IFT88: variants seen among roughly 807,000 people sequenced by gnomAD.
IFT88 encodes the protein intraflagellar transport protein 88 homolog.
In IFT88, 74 loss-of-function variants were observed where a neutral mutation model predicts 119.5. That is an observed-to-expected ratio of 0.62 (90% CI 0.51 to 0.75). IFT88 has a LOEUF of 0.75. IFT88 is among the 30% of genes least tolerant of loss of function. The probability of loss-of-function intolerance (pLI) is 0.00; values close to 1 mark genes in which losing one functional copy is unlikely to be tolerated. For synonymous variants in IFT88, 279 were observed against 316.7 expected (o/e 0.88, Z 1.26); for missense variants, 961 against 977.7 (o/e 0.98, Z 0.23).
intron 22 of IFT88, among the ~76,000 whole-genome samples, chr13:20,662,899 T>C (rs936898344): frequency 9.2e-5 from 14 of 152,224 alleles, no homozygotes; most frequent in East Asian, 3.8e-4. Flanking sequence ...TCTGGTGATA[T>C]GTATAAAGTG....
At chr13:20,681,860 G>T (rs575445458) in intron 24 of IFT88, among the ~76,000 whole-genome samples, 2 of 152,208 alleles carry the variant, frequency 1.3e-5, no homozygotes, top group African/African-American at 4.8e-5. Flanking sequence ...AGTATAGGGC[G>T]TCTGGAAAAC....
intron 2 of IFT88, among the ~76,000 whole-genome samples, chr13:20,579,978 A>G (rs969874743): frequency 3.9e-5 from 6 of 152,344 alleles, no homozygotes; most frequent in Admixed American, 3.9e-4. Context: ...ATGCTTATGG[A>G]AACAAAAACT....
At chr13:20,681,247 C>T (rs930842053) in intron 24 of IFT88, among the ~76,000 whole-genome samples, 13 of 152,174 alleles carry the variant, frequency 8.5e-5, no homozygotes, top group Non-Finnish European at 1.8e-4. Flanking sequence ...CAGAAGATGC[C>T]GTTTAATACA....
chr13:20,628,040 T>C (rs2047631760), intron 15 of IFT88, among the ~76,000 whole-genome samples: 1 of 152,200 alleles, frequency 6.6e-6, no homozygotes, highest in Non-Finnish European at 1.5e-5. Context: ...GTAGGTATAA[T>C]ACAATCTTAG....
At chr13:20,621,041 C>T (rs2046394452) in intron 14 of IFT88, among the ~76,000 whole-genome samples, 1 of 151,946 alleles carries the variant, frequency 6.6e-6, no homozygotes, top group African/African-American at 2.4e-5. Flanking sequence ...TTTAGGCTAC[C>T]TAGCTTATGG....
intron 8 of IFT88, 77 bp downstream of exon 8, chr13:20,596,317 T>C: frequency 1.9e-6 from 1 of 524,994 alleles, no homozygotes; most frequent in Non-Finnish European, 3.3e-6. Flanking sequence ...ACCGTATGTA[T>C]AGACAAATAT....
At chr13:20,611,542 G>C (rs1271687713) in intron 13 of IFT88, among the ~76,000 whole-genome samples, 2 of 110,970 alleles carry the variant, frequency 1.8e-5, no homozygotes, top group East Asian at 6.0e-4. Flanking sequence ...AAAAAAAAAA[G>C]ACTGAATGCT....
chr13:20,570,691 A>G (rs1370457924), intron 1 of IFT88, among the ~76,000 whole-genome samples: 1 of 125,626 alleles, frequency 8.0e-6, no homozygotes, highest in African/African-American at 2.9e-5. Flanking sequence ...GTTGCCAGGG[A>G]CTGGGGAAAG....
chr13:20,660,526 G>T (rs1175847313), intron 22 of IFT88, among the ~76,000 whole-genome samples: 1 of 152,240 alleles, frequency 6.6e-6, no homozygotes, highest in African/African-American at 2.4e-5. Context: ...TTTGGCTGCT[G>T]TATGGAGAAT....
chr13:20,679,918 C>T (rs1230654281), intron 24 of IFT88, among the ~76,000 whole-genome samples: 1 of 152,112 alleles, frequency 6.6e-6, no homozygotes, highest in African/African-American at 2.4e-5. Context: ...TAGTGTCCAC[C>T]ATCTGATTAT....
At chr13:20,597,732 C>T (rs1056435964) in intron 9 of IFT88, among the ~76,000 whole-genome samples, 27 of 147,810 alleles carry the variant, frequency 1.8e-4, no homozygotes, top group Middle Eastern at 3.5e-3. Context: ...GGCGACAGAG[C>T]GAGACTCCGT....
chr13:20,614,675 C>A (rs1415217377), intron 13 of IFT88, among the ~76,000 whole-genome samples: 2 of 152,072 alleles, frequency 1.3e-5, no homozygotes, highest in African/African-American at 4.8e-5. Context: ...AAAGATGTTA[C>A]TGTTGGAGGA....
intron 14 of IFT88, among the ~76,000 whole-genome samples, chr13:20,623,741 C>T (rs977909877): frequency 6.6e-6 from 1 of 152,212 alleles, no homozygotes; most frequent in Non-Finnish European, 1.5e-5. Context: ...TCCCAAAGTG[C>T]TGGGATTACA....
At chr13:20,571,619 A>C (rs1349422776) in intron 1 of IFT88, among the ~76,000 whole-genome samples, 1 of 152,204 alleles carries the variant, frequency 6.6e-6, no homozygotes, top group African/African-American at 2.4e-5. Flanking sequence ...TTTGGGAAGA[A>C]AGAATTGCAG....
chr13:20,683,241 T>C (rs1566479706), intron 24 of IFT88, among the ~76,000 whole-genome samples: 1 of 152,186 alleles, frequency 6.6e-6, no homozygotes, highest in South Asian at 2.1e-4. Context: ...TTTAAAGGTA[T>C]AGGTTCTGGA....
intron 16 of IFT88, among the ~76,000 whole-genome samples, chr13:20,637,870 G>A (rs890504136): frequency 2.0e-5 from 3 of 152,180 alleles, no homozygotes; most frequent in Non-Finnish European, 2.9e-5. Flanking sequence ...TGTAGCTCAC[G>A]TGAATGATGG....
At chr13:20,590,879 A>C in intron 4 of IFT88, 88 bp from the exon 5 acceptor site, 1 of 874,650 alleles carries the variant, frequency 1.1e-6, no homozygotes, top group South Asian at 1.5e-5. Context: ...ATTTGCCGAT[A>C]GAATGAAGAA....
Position 20,691,303 on chromosome 13 carries a change from A to G in IFT88, c.*128A>G. On this transcript the variant is annotated 3_prime_UTR_variant, in exon 26 of 26. Coordinates refer to ENST00000351808, the MANE Select transcript of IFT88 (RefSeq NM_006531.5). The stretch of plus-strand genomic sequence containing the variant: ...GTCAAAACTTAAGTAAGTGTATTCT[A>G]TTCTGTATGTATGCATTTAAGTTGT... 4 of 824,296 alleles carry G rather than the reference A, an allele frequency of 4.9e-6. No homozygotes were observed. Among genetic ancestry groups the G allele is most frequent in the Admixed American group, 3.1e-5 (1 of 31,842 alleles). 51.1% of individuals were successfully genotyped at this position (824,296 alleles called of 1,614,324 possible). A position where few individuals can be genotyped will look rare whatever the true frequency, so the allele number is the denominator to read the frequency against.
chr13:20,619,870 A>G (rs1309530661), intron 14 of IFT88, among the ~76,000 whole-genome samples: 1 of 152,110 alleles, frequency 6.6e-6, no homozygotes, highest in African/African-American at 2.4e-5. Flanking sequence ...ATAGCTTACA[A>G]ATACTTGGTG....
Sources: allele counts gnomAD v4.1 joint callset (sites outside exome capture counted in the v4.1 genomes callset), GRCh38; gene constraint gnomAD v4.1.1; transcripts MANE v1.5; gene names NCBI Gene and HGNC (gene_info 2026-07-23, HGNC 2026-07-21).